The following AHCTF1 variants were observed in gnomAD, a reference collection of about 807,000 sequenced individuals.
The protein encoded by AHCTF1 is AT-hook containing transcription factor 1.
A neutral mutation model predicts 248.4 loss-of-function variants in AHCTF1; 24 were observed. The ratio of observed to expected loss-of-function variants is 0.10; its 90% CI spans 0.07 to 0.14. AHCTF1 has a LOEUF of 0.14. AHCTF1 is among the 10% of genes least tolerant of loss of function. The pLI is 1.00. For missense variants in AHCTF1, 2,206 were observed against 2,636.2 expected (o/e 0.84, Z 3.57); for synonymous variants, 786 against 929.8 (o/e 0.85, Z 2.81).
intron 3 of AHCTF1, among the ~76,000 whole-genome samples, chr1:246,914,556 T>A (rs112922854): frequency 6.6e-6 from 1 of 152,212 alleles, no homozygotes; most frequent in East Asian, 1.9e-4. Flanking sequence ...TACTAAAGCA[T>A]ATTCAATTCC....
intron 31 of AHCTF1, among the ~76,000 whole-genome samples, chr1:246,855,320 G>T (rs1661037260): frequency 6.6e-6 from 1 of 151,760 alleles, no homozygotes; most frequent in South Asian, 2.1e-4. Context: ...ATGCTCATTG[G>T]ATTAAAAAAA....
intron 24 of AHCTF1, among the ~76,000 whole-genome samples, chr1:246,869,151 TGTTTTTTTAAACAA>T (rs1455773080): frequency 2.6e-5 from 4 of 152,094 alleles, no homozygotes; most frequent in African/African-American, 9.7e-5. Flanking sequence ...CCGTGTGTTT[TGTTTTTTTAAACAA>T]ATTGAAGGTC....
chr1:246,887,288 G>A lies in AHCTF1; in HGVS notation c.2395C>T (p.Pro799Ser). 6.2e-7 allele frequency: 1 copy of A among 1,613,150 alleles called. No homozygotes were observed. Among genetic ancestry groups the A allele is most frequent in the Non-Finnish European group, 8.5e-7 (1 of 1,179,544 alleles). ...CCCCAAGAAATGGCAAATACAGTTG[G>A]GAAAGATTCAATGGGAGTGTCTGTT... ...NKTDTPIESF[P>S]TVFAISWGQV... is the part of the protein sequence containing the mutation. The change falls in exon 20 of 36, where the codon CCA (proline) becomes TCA (serine). Residue 799 changes from proline (P) to serine (S), a missense_variant. Around this residue, in one of 6 missense-constraint regions of AHCTF1, gnomAD observed 650 missense variants for 870.8 expected, o/e 0.75. Coordinates refer to ENST00000648844, the MANE Select transcript of AHCTF1 (RefSeq NM_001323342.2).
In AHCTF1 at chr1:246,916,125, T is replaced by C. The variant is rs780038506; in HGVS notation, c.375+17A>G. ...GTTTTGAAAGAGAAATGTCCAGGTA[T>C]CTTAAACAGTACCTACCCTTCCAGG... On this transcript the variant is annotated intron_variant, in intron 3 of 35. Coordinates refer to ENST00000648844, the MANE Select transcript of AHCTF1 (RefSeq NM_001323342.2). The C allele has an allele frequency of 1.1e-5, 17 of 1,610,158 alleles. No homozygotes were observed. The highest frequency in any genetic ancestry group is 1.4e-5 in the Non-Finnish European group (17 of 1,177,734).
chr1:246,861,567 T>C (rs146651670), intron 28 of AHCTF1, among the ~76,000 whole-genome samples: 1 of 152,296 alleles, frequency 6.6e-6, no homozygotes, highest in Non-Finnish European at 1.5e-5. Context: ...AAGGTTCCTA[T>C]TAACCTACAG....
chr1:246,918,172 G>T (rs865937630), intron 2 of AHCTF1, 78 bp downstream of exon 2: 1 of 1,268,380 alleles, frequency 7.9e-7, no homozygotes, highest in Non-Finnish European at 1.0e-6. Flanking sequence ...TCCACATAAA[G>T]AAACTATAAT....
chr1:246,867,510 T>G (rs890181031), intron 25 of AHCTF1, 151 bp downstream of exon 25: 2 of 1,140,208 alleles, frequency 1.8e-6, no homozygotes, highest in Non-Finnish European at 2.5e-6. Flanking sequence ...TTTTTAAAAA[T>G]TCTTCTCAGA....
At chr1:246,894,475 GGAGCCTGCAGT>G (rs1211323689) in intron 14 of AHCTF1, among the ~76,000 whole-genome samples, 173 bp downstream of exon 14, 6 of 152,102 alleles carry the variant, frequency 3.9e-5, no homozygotes, top group Non-Finnish European at 7.4e-5. Context: ...CCCGGGAGGT[GGAGCCTGCAGT>G]GAGCCAAGAT....
chr1:246,907,953 T>C (rs1665511946), intron 4 of AHCTF1, among the ~76,000 whole-genome samples, 195 bp from the exon 5 acceptor site: 1 of 152,204 alleles, frequency 6.6e-6, no homozygotes, highest in Non-Finnish European at 1.5e-5. Context: ...TGCCACAATT[T>C]AAAAAACACA....
In AHCTF1 at chr1:246,861,040, C is replaced by G. The variant is rs151038417; in HGVS notation, c.3991G>C (p.Glu1331Gln). 4.3e-6 allele frequency: 7 copies of G among 1,613,880 alleles called. No individual in the cohort carries two copies. In the African/African-American group the frequency reaches 9.3e-5, roughly 22 times the overall value. ...YQDAPSPEDL[E>Q]ETVFTASKPK... ...TTAGAGGCCGTGAAAACAGTCTCTT[C>G]AAGGTCTTCCGGTGACGGTGCATCC... The change falls in exon 29 of 36, where the codon GAA becomes CAA. Residue 1331 changes from glutamate to glutamine, a missense_variant. Physicochemically the swap from Glu to Gln is conservative, Grantham distance 29. This residue lies in a region of AHCTF1 where 955 missense variants were observed against 1,055.6 expected (regional missense o/e 0.90). Coordinates refer to ENST00000648844, the MANE Select transcript of AHCTF1 (RefSeq NM_001323342.2).
intron 27 of AHCTF1, 84 bp from the exon 28 acceptor site, chr1:246,862,237 T>C: frequency 2.0e-6 from 2 of 982,272 alleles, no homozygotes; most frequent in Non-Finnish European, 2.9e-6. Context: ...TCCCTGCACT[T>C]TGGGAGGCAG....
At chr1:246,918,172 G>A (rs865937630) in intron 2 of AHCTF1, 78 bp downstream of exon 2, 5 of 1,268,280 alleles carry the variant, frequency 3.9e-6, no homozygotes, top group Non-Finnish European at 4.1e-6. Flanking sequence ...TCCACATAAA[G>A]AAACTATAAT....
At position 246,855,781 on chromosome 1, in the gene AHCTF1, A is replaced by G; in HGVS notation, c.4303T>C (p.Leu1435=). The part of the protein sequence containing the change: ...KSKVPVLDEG[L]TSVETYTPAI... Reference sequence around the variant, plus strand: ...GGGGTGTAGGTTTCAACAGATGTTAATCCTTCGTCCAACACTGGTACCTTG... The same window carrying G: ...GGGGTGTAGGTTTCAACAGATGTTAGTCCTTCGTCCAACACTGGTACCTTG... The change falls in exon 31 of 36, where the codon TTA becomes CTA. Residue 1435 remains leucine, a synonymous_variant. Coordinates refer to ENST00000648844, the MANE Select transcript of AHCTF1 (RefSeq NM_001323342.2). 2 of 1,613,654 alleles carry G rather than the reference A, an allele frequency of 1.2e-6. No homozygotes were observed. The highest frequency in any genetic ancestry group is 1.7e-6 in the Non-Finnish European group (2 of 1,179,778).
intron 13 of AHCTF1, among the ~76,000 whole-genome samples, chr1:246,894,980 G>A (rs1169837607): frequency 6.6e-6 from 1 of 151,142 alleles, no homozygotes; most frequent in East Asian, 1.9e-4. Context: ...GAGGAGCGAC[G>A]GCAAGCACAA....
In AHCTF1 at chr1:246,904,024, A is replaced by G; in HGVS notation, c.891T>C (p.Asp297=). ...AVQSTQDSEG[D]VLSLHLLQLA... The stretch of plus-strand genomic sequence containing the variant: ...GCTGCAGCAGATGCAAACTCAAAAC[A>G]TCCCCTTCACTGAAACAGAAATTAA... The change falls in exon 7 of 36, where the codon GAT becomes GAC. Residue 297 remains aspartate, a synonymous_variant. Transcript: ENST00000648844. 1 of 1,613,838 alleles carries G rather than the reference A, an allele frequency of 6.2e-7. No individual in the cohort carries two copies. Among genetic ancestry groups the G allele is most frequent in the Non-Finnish European group, 8.5e-7 (1 of 1,179,800 alleles).
rs1416032306 is a variant in AHCTF1 at position 246,843,926 on chromosome 1, T to C, written c.6394A>G (p.Lys2132Glu). Residue 2132 changes from lysine (K) to glutamate (E), a missense_variant and splice_region_variant, in exon 34 of 36, where the codon AAA becomes GAA. Lys to Glu is a moderately conservative substitution (Grantham distance 56, BLOSUM62 1). Around this residue, in one of 6 missense-constraint regions of AHCTF1, gnomAD observed 469 missense variants for 470.0 expected, o/e 1.00. Coordinates refer to ENST00000648844, the MANE Select transcript of AHCTF1 (RefSeq NM_001323342.2). ...AGCTGTGCAGGAACCTCTATTTTTT[T>C]AGCTAAAAAAAGTTGAAAAAACTGT... is the stretch of plus-strand genomic sequence containing the variant. ...ASEVPRKAKA[K>E]KIEVPAQLKE... The C allele has an allele frequency of 3.4e-6, 5 of 1,452,060 alleles. No individual in the cohort carries two copies. The allele number at this position is 1,452,060 out of a possible 1,614,324, so 89.9% of individuals were successfully genotyped here. A position where few individuals can be genotyped will look rare whatever the true frequency, so the allele number is the denominator to read the frequency against.
intron 1 of AHCTF1, among the ~76,000 whole-genome samples, chr1:246,929,490 GA>G (rs78487876): frequency 0.21 from 32,113 of 152,090 alleles, 3,756 homozygotes; most frequent in African/African-American, 0.32. Flanking sequence ...TTTAAAAAAG[GA>G]AAGATGGCAC....
intron 1 of AHCTF1, among the ~76,000 whole-genome samples, chr1:246,927,272 A>C (rs1266388565): frequency 6.6e-6 from 1 of 152,158 alleles, no homozygotes; most frequent in African/African-American, 2.4e-5. Context: ...GGCTGAGGTC[A>C]GGAGTTGGTT....
intron 29 of AHCTF1, 28 bp downstream of exon 29, chr1:246,860,871 T>G (rs376540570): frequency 6.3e-7 from 1 of 1,587,442 alleles, no homozygotes; most frequent in African/African-American, 1.4e-5. Flanking sequence ...TTAATAACAA[T>G]TTTGAGTATT....
Sources: gnomAD v4.1 joint callset for allele counts (sites outside exome capture counted in the v4.1 genomes callset) on GRCh38, gnomAD v4.1.1 for gene constraint, gnomAD v4.1.1 regional missense constraint, MANE v1.5 for transcripts, NCBI Gene and HGNC (gene_info 2026-07-23, HGNC 2026-07-21) for gene names.